NRG4: variants seen among roughly 807,000 people sequenced by gnomAD.
NRG4 encodes neuregulin 4, also known as pro-neuregulin-4, membrane-bound isoform.
Under a neutral mutation model 15.0 loss-of-function variants are expected in NRG4, and 10 were observed. That is an observed-to-expected ratio of 0.67 (90% CI 0.41 to 1.13). The LOEUF (loss-of-function observed/expected upper bound fraction) is 1.13, where lower values mean the gene tolerates loss of function less well. Ranked by LOEUF, NRG4 falls within the 50% of genes most tolerant of loss-of-function variation. The probability of loss-of-function intolerance (pLI) is 0.00; values close to 1 mark genes in which losing one functional copy is unlikely to be tolerated. For synonymous variants in NRG4, 41 were observed against 50.1 expected (o/e 0.82, Z 0.77); for missense variants, 139 against 140.2 (o/e 0.99, Z 0.04).
chr15:75,970,003 T>C (rs2033018085), intron 3 of NRG4, among the ~76,000 whole-genome samples: 1 of 152,218 alleles, frequency 6.6e-6, no homozygotes, highest in South Asian at 2.1e-4. Context: ...TTAATTAATA[T>C]TGCAGAGGCA....
At chr15:76,031,453 C>A (rs1288265223) in intron 5 of NRG4, among the ~76,000 whole-genome samples, 2 of 152,090 alleles carry the variant, frequency 1.3e-5, no homozygotes, top group Admixed American at 6.5e-5. Context: ...TTTGGGAGGC[C>A]GAGGCAGGTG....
chr15:76,018,001 A>G (rs925459125), intron 5 of NRG4, among the ~76,000 whole-genome samples: 2 of 151,644 alleles, frequency 1.3e-5, no homozygotes, highest in African/African-American at 4.8e-5. Context: ...ATAGTCCCAT[A>G]TTTCTTGGAG....
At chr15:76,044,723 T>A (rs1410753452) in intron 4 of NRG4, among the ~76,000 whole-genome samples, 1 of 148,564 alleles carries the variant, frequency 6.7e-6, no homozygotes, top group African/African-American at 2.5e-5. Flanking sequence ...TAGTCCCAGC[T>A]ACTTGGGAGG....
Position 75,941,012 on chromosome 15 carries a change from G to A in NRG4, c.*2626C>T, listed in dbSNP as rs577343466. 1 of 152,220 alleles carries A rather than the reference G, an allele frequency of 6.6e-6. No homozygotes were observed. The highest frequency in any genetic ancestry group is 2.4e-5 in the African/African-American group (1 of 41,568). 9.4% of individuals were successfully genotyped at this position (152,220 alleles called of 1,614,324 possible). A position where few individuals can be genotyped will look rare whatever the true frequency, so the allele number is the denominator to read the frequency against. On this transcript the variant is annotated 3_prime_UTR_variant, in exon 6 of 6. Coordinates refer to ENST00000394907, the MANE Select transcript of NRG4 (RefSeq NM_138573.4). ...AGAGTAAAAAGATTACCTATGGAGT[G>A]GGAGGAAATAATATGCAGTTCACGT...
chr15:76,028,816 C>T lies in NRG4; in HGVS notation c.-57+7128G>A, dbSNP rs147792511. Among the ~76,000 whole-genome samples, 929 of 150,824 alleles carry T rather than the reference C, an allele frequency of 6.2e-3. 10 individuals carry two copies. The highest frequency in any genetic ancestry group is 0.021 in the African/African-American group (865 of 40,930). On this transcript the variant is annotated intron_variant, in intron 5 of 8. Coordinates refer to the NRG4 transcript ENST00000563910. ...TTGGGAGGCTGAGGCAGGAGAATTG[C>T]CTGAACCCGGGAGGGGAAGGTAGGT...
At chr15:76,031,229 G>A (rs2141941695) in intron 5 of NRG4, among the ~76,000 whole-genome samples, 1 of 152,252 alleles carries the variant, frequency 6.6e-6, no homozygotes, top group Middle Eastern at 3.4e-3. Flanking sequence ...CTTATAAAGA[G>A]TATCTACTAA....
chr15:76,027,032 A>T (rs924678621), intron 5 of NRG4, among the ~76,000 whole-genome samples: 6 of 152,092 alleles, frequency 3.9e-5, no homozygotes, highest in African/African-American at 1.4e-4. Flanking sequence ...GAGGCAGGAG[A>T]ATGGTATGAG....
intron 5 of NRG4, among the ~76,000 whole-genome samples, chr15:76,023,584 C>T (rs1214578557): frequency 6.6e-6 from 1 of 152,158 alleles, no homozygotes; most frequent in East Asian, 1.9e-4. Context: ...TCCCCAACCC[C>T]CACCTATCCT....
At chr15:75,945,225 A>C (rs1392531264) in intron 5 of NRG4, among the ~76,000 whole-genome samples, 1 of 151,484 alleles carries the variant, frequency 6.6e-6, no homozygotes. Context: ...TAAATTTAAA[A>C]TCTTTCCATT....
intron 5 of NRG4, among the ~76,000 whole-genome samples, chr15:76,035,611 T>C (rs1470582466): frequency 1.3e-5 from 2 of 152,066 alleles, no homozygotes; most frequent in South Asian, 4.1e-4. Context: ...TAGAAATACA[T>C]TTTAGGTACA....
chr15:76,026,531 A>T (rs775271235), intron 5 of NRG4, among the ~76,000 whole-genome samples: 4 of 152,222 alleles, frequency 2.6e-5, no homozygotes, highest in African/African-American at 4.8e-5. Flanking sequence ...CTATATAAGA[A>T]ATGCTCAAGG....
intron 5 of NRG4, among the ~76,000 whole-genome samples, chr15:76,027,029 G>A (rs1042189619): frequency 7.9e-5 from 12 of 152,132 alleles, no homozygotes; most frequent in Admixed American, 2.0e-4. Context: ...GCTGAGGCAG[G>A]AGAATGGTAT....
Position 76,030,928 on chromosome 15 carries a change from TAAAGA to T in NRG4, c.-57+5011_-57+5015del, listed in dbSNP as rs1218854374. Among the ~76,000 whole-genome samples the T allele has an allele frequency of 3.3e-5, 5 of 152,108 alleles. No individual in the cohort carries two copies. The South Asian group carries it at 6.2e-4, about 19-fold the overall frequency. On this transcript the variant is annotated intron_variant, in intron 5 of 8. Coordinates refer to the NRG4 transcript ENST00000563910. Reference sequence around the variant, plus strand: ...TTGATGCCAAAACTTGACAAGAAATTAAAGAAAAGAAAATTACTATTAATCCTCAT... The same window carrying T: ...TTGATGCCAAAACTTGACAAGAAATTAAAGAAAATTACTATTAATCCTCAT...
chr15:75,948,791 T>G (rs2031697996), intron 5 of NRG4, among the ~76,000 whole-genome samples: 1 of 151,834 alleles, frequency 6.6e-6, no homozygotes, highest in African/African-American at 2.4e-5. Flanking sequence ...GGCTCATGCC[T>G]GTAATCCCAG....
intron 3 of NRG4, among the ~76,000 whole-genome samples, chr15:75,967,487 G>A (rs1185524564): frequency 7.5e-6 from 1 of 133,502 alleles, no homozygotes; most frequent in African/African-American, 2.8e-5. Context: ...TTGAGATGGA[G>A]TCTTGCTTTT....
intron 3 of NRG4, among the ~76,000 whole-genome samples, chr15:75,997,462 C>G (rs946549068): frequency 4.0e-5 from 6 of 151,688 alleles, no homozygotes; most frequent in African/African-American, 7.3e-5. Context: ...ATGATATATA[C>G]TAGATGTAGA....
intron 5 of NRG4, among the ~76,000 whole-genome samples, chr15:75,946,977 C>T (rs771997730): frequency 1.1e-4 from 16 of 152,098 alleles, no homozygotes; most frequent in Non-Finnish European, 2.2e-4. Context: ...TTGTTTCCAC[C>T]TTTTGGCTAC....
chr15:76,033,222 T>TTTTTG (rs1406382268), intron 5 of NRG4, among the ~76,000 whole-genome samples: 2 of 152,352 alleles, frequency 1.3e-5, no homozygotes, highest in South Asian at 4.1e-4. Context: ...TGTAAAAGTT[T>TTTTTG]TTTTGTTTTG....
chr15:76,054,894 C>T (rs765880425), intron 2 of NRG4, among the ~76,000 whole-genome samples: 1 of 152,138 alleles, frequency 6.6e-6, no homozygotes, highest in South Asian at 2.1e-4. Context: ...AACATTACAC[C>T]TCTTTTCTTG....
Sources: gnomAD v4.1 joint callset for allele counts (sites outside exome capture counted in the v4.1 genomes callset) on GRCh38, gnomAD v4.1.1 for gene constraint, MANE v1.5 for transcripts, NCBI Gene and HGNC (gene_info 2026-07-23, HGNC 2026-07-21) for gene names.